The following ATXN7L1 variants were observed in gnomAD, a reference collection of about 807,000 sequenced individuals.
The protein encoded by ATXN7L1 is ataxin 7 like 1, also known as ataxin-7-like protein 1.
ATXN7L1 carries 15 observed loss-of-function variants against 70.8 expected under a neutral mutation model. That is an observed-to-expected ratio of 0.21 (90% CI 0.14 to 0.33). The LOEUF is 0.33. ATXN7L1 is among the 10% of genes least tolerant of loss of function. The pLI is 1.00. For missense variants in ATXN7L1, 975 were observed against 1,097.1 expected (o/e 0.89, Z 1.57); for synonymous variants, 440 against 445.1 (o/e 0.99, Z 0.14).
chr7:105,714,477 C>T (rs1484528777), intron 3 of ATXN7L1, among the ~76,000 whole-genome samples: 1 of 152,124 alleles, frequency 6.6e-6, no homozygotes, highest in South Asian at 2.1e-4. Flanking sequence ...GCCAGGCCAA[C>T]AATAATAAGA....
intron 7 of ATXN7L1, among the ~76,000 whole-genome samples, chr7:105,625,326 C>G (rs1795538382): frequency 6.6e-6 from 1 of 151,960 alleles, no homozygotes; most frequent in South Asian, 2.1e-4. Context: ...TCTCGGCTCA[C>G]TGCAACCTCT....
rs143798149 is a variant in ATXN7L1 at position 105,644,378 on chromosome 7, C to G, written c.579-1257G>C. Among the ~76,000 whole-genome samples, 7 of 152,304 alleles carry G rather than the reference C, an allele frequency of 4.6e-5. No individual in the cohort carries two copies. In the East Asian group the frequency reaches 1.4e-3, roughly 29 times the overall value. On this transcript the variant is annotated intron_variant, in intron 4 of 11. Transcript: ENST00000419735. ...GCGAGAAGGGCACAGAGCAGCGGAA[C>G]AGATTGTGGCTGGACATTACCGACT...
chr7:105,819,068 G>T (rs1289780613), intron 2 of ATXN7L1, among the ~76,000 whole-genome samples: 1 of 146,246 alleles, frequency 6.8e-6, no homozygotes, highest in South Asian at 2.2e-4. Context: ...GGTGTGTGAC[G>T]TTCCCCACCC....
At chr7:105,640,671 T>A (rs781761384) in intron 5 of ATXN7L1, among the ~76,000 whole-genome samples, 1 of 152,228 alleles carries the variant, frequency 6.6e-6, no homozygotes, top group Non-Finnish European at 1.5e-5. Flanking sequence ...ACTAGAGGCA[T>A]GCACCACCAC....
chr7:105,701,482 T>C (rs1394982717), intron 3 of ATXN7L1, among the ~76,000 whole-genome samples: 1 of 152,224 alleles, frequency 6.6e-6, no homozygotes, highest in African/African-American at 2.4e-5. Flanking sequence ...TTTAGACTTT[T>C]CTGAAATATT....
At chr7:105,678,731 T>C (rs910575580) in intron 3 of ATXN7L1, among the ~76,000 whole-genome samples, 1 of 151,988 alleles carries the variant, frequency 6.6e-6, no homozygotes, top group Non-Finnish European at 1.5e-5. Context: ...CTGAAAGGTG[T>C]GCTAGAAAAT....
intron 3 of ATXN7L1, among the ~76,000 whole-genome samples, chr7:105,734,630 T>C (rs1198090909): frequency 6.6e-6 from 1 of 151,026 alleles, no homozygotes; most frequent in Non-Finnish European, 1.5e-5. Context: ...AGCAACCTCC[T>C]TTCATGTTTT....
chr7:105,646,749 CACCGTGAG>C (rs1180070868), intron 4 of ATXN7L1, among the ~76,000 whole-genome samples: 1 of 138,158 alleles, frequency 7.2e-6, no homozygotes, highest in Non-Finnish European at 1.5e-5. Flanking sequence ...GCCTGGACAA[CACCGTGAG>C]ACCATGTCTC....
At position 105,643,139 on chromosome 7, in the gene ATXN7L1, A is replaced by C; in HGVS notation, c.579-18T>G. 1 of 1,491,956 alleles carries C rather than the reference A, an allele frequency of 6.7e-7. No individual in the cohort carries two copies. The highest frequency in any genetic ancestry group is 2.5e-5 in the East Asian group (1 of 40,362). The allele number at this position is 1,491,956 out of a possible 1,614,324, so 92.4% of individuals were successfully genotyped here. A position where few individuals can be genotyped will look rare whatever the true frequency, so the allele number is the denominator to read the frequency against. On this transcript the variant is annotated intron_variant, in intron 4 of 11. Transcript: ENST00000419735. ...CTGGAACACTGAAAAATAAATGAAC[A>C]AACACACACAATTGTCTTCTTTGAT...
chr7:105,834,757 C>A (rs188088055), intron 2 of ATXN7L1, among the ~76,000 whole-genome samples: 4 of 152,260 alleles, frequency 2.6e-5, no homozygotes, highest in East Asian at 1.9e-4. Context: ...ACTTCAATAA[C>A]GTTCAGAGAA....
intron 2 of ATXN7L1, among the ~76,000 whole-genome samples, chr7:105,859,925 GGTGTGTGT>G (rs1316782078): frequency 6.7e-6 from 1 of 150,040 alleles, no homozygotes; most frequent in Non-Finnish European, 1.5e-5. Flanking sequence ...TGGGGTTACA[GGTGTGTGT>G]GACCATGCCT....
chr7:105,676,939 T>C (rs1804761547), intron 3 of ATXN7L1, among the ~76,000 whole-genome samples: 1 of 152,226 alleles, frequency 6.6e-6, no homozygotes, highest in South Asian at 2.1e-4. Flanking sequence ...TAAAAATACC[T>C]GAACAGCTGG....
At chr7:105,736,897 T>C (rs545139134) in intron 3 of ATXN7L1, among the ~76,000 whole-genome samples, 13 of 152,360 alleles carry the variant, frequency 8.5e-5, no homozygotes, top group African/African-American at 1.4e-4. Flanking sequence ...GCTTTTGAGA[T>C]AGAAGAGATG....
At chr7:105,737,110 T>C (rs1278731758) in intron 3 of ATXN7L1, among the ~76,000 whole-genome samples, 1 of 152,264 alleles carries the variant, frequency 6.6e-6, no homozygotes, top group African/African-American at 2.4e-5. Flanking sequence ...ATGTATTTTA[T>C]GATTATTGGT....
intron 3 of ATXN7L1, among the ~76,000 whole-genome samples, chr7:105,697,444 C>T (rs896649109): frequency 6.6e-5 from 10 of 152,208 alleles, no homozygotes; most frequent in African/African-American, 1.7e-4. Context: ...GGCTCTGTTC[C>T]GCCCGGCTCA....
chr7:105,853,982 A>G (rs1271819186), intron 2 of ATXN7L1, among the ~76,000 whole-genome samples: 1 of 152,046 alleles, frequency 6.6e-6, no homozygotes, highest in Non-Finnish European at 1.5e-5. Context: ...ACATCTGTGG[A>G]CACGCGGCGG....
chr7:105,747,894 C>T lies in ATXN7L1; in HGVS notation c.355+40710G>A, dbSNP rs531780351. ...CCAGCACTTTGGGAGGCTGAGTGGG[C>T]GGATCACCTGAGGTCAGGAGTTCAA... On this transcript the variant is annotated intron_variant, in intron 3 of 11. Coordinates refer to ENST00000419735, the MANE Select transcript of ATXN7L1 (RefSeq NM_020725.2). 3.0e-4 allele frequency among the ~76,000 whole-genome samples: 46 copies of T among 151,660 alleles called. No individual in the cohort carries two copies. In the South Asian group the frequency reaches 5.8e-3, roughly 19 times the overall value.
intron 3 of ATXN7L1, among the ~76,000 whole-genome samples, chr7:105,757,346 C>T (rs1481122353): frequency 6.6e-6 from 1 of 152,154 alleles, no homozygotes; most frequent in African/African-American, 2.4e-5. Flanking sequence ...CTTCCTTGGG[C>T]TCAGGAGTTT....
At chr7:105,740,787 T>TTTTTTTTTTTTTTTTTTTTTGAGAC (rs1797930812) in intron 3 of ATXN7L1, among the ~76,000 whole-genome samples, 1 of 79,280 alleles carries the variant, frequency 1.3e-5, no homozygotes, top group Non-Finnish European at 2.4e-5. Flanking sequence ...TTTTTTTTAA[T>TTTTTTTTTTTTTTTTTTTTTGAGAC]GGAGTCTCAC....
Sources: allele counts gnomAD v4.1 joint callset (sites outside exome capture counted in the v4.1 genomes callset), GRCh38; gene constraint gnomAD v4.1.1; transcripts MANE v1.5; gene names NCBI Gene and HGNC (gene_info 2026-07-23, HGNC 2026-07-21).